Variants in LAMA2 observed in about 807,000 individuals in gnomAD.
LAMA2 encodes laminin subunit alpha-2.
A neutral mutation model predicts 364.8 loss-of-function variants in LAMA2; 269 were observed. The ratio of observed to expected loss-of-function variants is 0.74; its 90% CI spans 0.67 to 0.82. The LOEUF (loss-of-function observed/expected upper bound fraction) is 0.82. LAMA2 is among the 40% of genes least tolerant of loss of function. The pLI is 0.00. For synonymous variants in LAMA2, 1,379 were observed against 1,370.6 expected (o/e 1.01, Z -0.14); for missense variants, 3,807 against 3,873.2 (o/e 0.98, Z 0.45).
intron 14 of LAMA2, among the ~76,000 whole-genome samples, chr6:129,256,704 G>T (rs1388728347): frequency 1.4e-5 from 2 of 146,132 alleles, no homozygotes; most frequent in Admixed American, 1.4e-4. Flanking sequence ...CTCGATGTGG[G>T]ATTGAAAATG....
At chr6:129,407,209 C>T (rs927655170) in intron 40 of LAMA2, among the ~76,000 whole-genome samples, 3 of 152,226 alleles carry the variant, frequency 2.0e-5, no homozygotes, top group Non-Finnish European at 4.4e-5. Flanking sequence ...CACAGAGACA[C>T]CCAGGAACAA....
intron 1 of LAMA2, among the ~76,000 whole-genome samples, chr6:128,988,776 G>T (rs1783428044): frequency 6.6e-6 from 1 of 152,114 alleles, no homozygotes. Context: ...TAAAACTGAA[G>T]CATTTAATTT....
At chr6:129,337,991 C>T (rs1776051014) in intron 29 of LAMA2, among the ~76,000 whole-genome samples, 1 of 152,058 alleles carries the variant, frequency 6.6e-6, no homozygotes, top group Non-Finnish European at 1.5e-5. Context: ...GTGGACCTAA[C>T]CAGGACATTT....
intron 1 of LAMA2, among the ~76,000 whole-genome samples, chr6:128,895,351 G>C (rs1294881793): frequency 1.3e-5 from 2 of 151,854 alleles, no homozygotes; most frequent in Admixed American, 1.3e-4. Flanking sequence ...GTGAACTCAT[G>C]GCGGGGCGCG....
intron 44 of LAMA2, among the ~76,000 whole-genome samples, chr6:129,444,429 C>T (rs979880464): frequency 3.9e-5 from 6 of 152,020 alleles, no homozygotes; most frequent in Admixed American, 3.3e-4. Context: ...TAAAAGCATA[C>T]AAAATAAAGG....
At chr6:129,218,526 G>A (rs548344163) in intron 12 of LAMA2, among the ~76,000 whole-genome samples, 1 of 152,208 alleles carries the variant, frequency 6.6e-6, no homozygotes, top group South Asian at 2.1e-4. Context: ...ATATAAGATA[G>A]CAGTAGGCTG....
chr6:129,023,397 C>T (rs1785579554), intron 1 of LAMA2, among the ~76,000 whole-genome samples: 1 of 152,120 alleles, frequency 6.6e-6, no homozygotes, highest in African/African-American at 2.4e-5. Flanking sequence ...TTCTGAATTC[C>T]ATTCTGCTCC....
intron 9 of LAMA2, among the ~76,000 whole-genome samples, chr6:129,172,245 G>A (rs559018649): frequency 6.6e-6 from 1 of 152,212 alleles, no homozygotes; most frequent in Admixed American, 6.5e-5. Flanking sequence ...GAGGAGGAGA[G>A]GCACTCTGCT....
intron 1 of LAMA2, among the ~76,000 whole-genome samples, chr6:128,956,088 A>G (rs933639782): frequency 6.6e-6 from 1 of 152,028 alleles, no homozygotes; most frequent in Admixed American, 6.6e-5. Context: ...AGGAGCAATT[A>G]CCATCAAAGA....
Position 129,259,789 on chromosome 6 carries a change from C to A in LAMA2, c.2097-922C>A, listed in dbSNP as rs1300198942. ...CATTGTATAGAAGAAAAAATTGAGG[C>A]CTAGAAAGAATAAGTTATTTTCTTC... On this transcript the variant is annotated intron_variant, in intron 14 of 64. Transcript: ENST00000421865. 2.0e-5 allele frequency among the ~76,000 whole-genome samples: 3 copies of A among 151,772 alleles called. No homozygotes were observed. In the East Asian group the frequency reaches 5.8e-4, roughly 29 times the overall value.
chr6:129,306,130 C>A (rs1331529853), intron 22 of LAMA2, among the ~76,000 whole-genome samples: 1 of 151,762 alleles, frequency 6.6e-6, no homozygotes, highest in African/African-American at 2.4e-5. Flanking sequence ...AGTCAATTAT[C>A]TTTTTAAACA....
chr6:128,966,136 A>G (rs6915788), intron 1 of LAMA2, among the ~76,000 whole-genome samples: 33,080 of 151,702 alleles, frequency 0.22, 5,384 homozygotes, highest in African/African-American at 0.46. Flanking sequence ...TCACAGATCA[A>G]AACTAAATTT....
rs757164022 is a variant in LAMA2 at position 129,297,847 on chromosome 6, CAA to C, written c.3020_3021del (p.Gln1007ArgfsTer8). The C allele has an allele frequency of 6.2e-7, 1 of 1,613,652 alleles. No individual in the cohort carries two copies. The highest frequency in any genetic ancestry group is 8.5e-7 in the Non-Finnish European group (1 of 1,179,854). ...CTGTGCCCACGGCTATTTCAACTTC[CAA>C]GAAGGAGGCTGCACAGGTCTGTAAA... Reference protein sequence around the residue: ...DRCAHGYFNFQEGGCTACECS... With the variant: ...DRCAHGYFNFXEGGCTACECS... On this transcript the variant is annotated frameshift_variant, in exon 21 of 65. Transcript: ENST00000421865. LOFTEE classifies it high-confidence loss of function.
intron 34 of LAMA2, among the ~76,000 whole-genome samples, chr6:129,376,249 G>A (rs2114640457): frequency 6.6e-6 from 1 of 152,252 alleles, no homozygotes; most frequent in African/African-American, 2.4e-5. Context: ...TTTCTTTGGT[G>A]CCTCTTTCTT....
intron 1 of LAMA2, among the ~76,000 whole-genome samples, chr6:129,049,339 C>A (rs960573359): frequency 5.3e-5 from 8 of 152,024 alleles, no homozygotes; most frequent in Non-Finnish European, 1.5e-5. Flanking sequence ...TGGCTTGTTT[C>A]TGGCAATATA....
chr6:129,235,403 A>G (rs191667576), intron 12 of LAMA2, among the ~76,000 whole-genome samples: 1 of 152,278 alleles, frequency 6.6e-6, no homozygotes, highest in East Asian at 1.9e-4. Context: ...AAGACCAATA[A>G]TAATGGTCCC....
intron 3 of LAMA2, among the ~76,000 whole-genome samples, chr6:129,064,204 A>G (rs532319652): frequency 6.6e-6 from 1 of 152,230 alleles, no homozygotes; most frequent in Non-Finnish European, 1.5e-5. Context: ...AAATTAAAAG[A>G]GAAATTTAAA....
chr6:129,032,872 G>C (rs574810962), intron 1 of LAMA2, among the ~76,000 whole-genome samples: 9 of 152,280 alleles, frequency 5.9e-5, no homozygotes, highest in Non-Finnish European at 8.8e-5. Context: ...GACACTGGGT[G>C]GGTAAACTAA....
At chr6:129,416,503 G>A (rs1447306341) in intron 40 of LAMA2, among the ~76,000 whole-genome samples, 2 of 152,086 alleles carry the variant, frequency 1.3e-5, no homozygotes, top group Non-Finnish European at 2.9e-5. Flanking sequence ...ATATGTCAGG[G>A]CACACAGCAT....
Sources: gnomAD v4.1 joint callset for allele counts (sites outside exome capture counted in the v4.1 genomes callset) on GRCh38, gnomAD v4.1.1 for gene constraint, MANE v1.5 for transcripts, NCBI Gene and HGNC (gene_info 2026-07-23, HGNC 2026-07-21) for gene names.